SH3RF2: variants seen among roughly 807,000 people sequenced by gnomAD.
SH3RF2 encodes the protein SH3 domain containing ring finger 2.
SH3RF2 carries 43 observed loss-of-function variants against 59.0 expected under a neutral mutation model. That is an observed-to-expected ratio of 0.73 (90% CI 0.57 to 0.94). The LOEUF (loss-of-function observed/expected upper bound fraction) is 0.94, where lower values mean the gene tolerates loss of function less well. Among genes scored for constraint, SH3RF2 ranks in the 40% least tolerant of loss-of-function variants. The pLI, the probability that SH3RF2 is intolerant of heterozygous loss-of-function variation, is 0.00. For synonymous variants in SH3RF2, 391 were observed against 391.5 expected, an observed-to-expected ratio of 1.00 and a Z score of 0.01; for missense variants, 930 against 940.1, an observed-to-expected ratio of 0.99 and a Z score of 0.14.
intron 7 of SH3RF2, among the ~76,000 whole-genome samples, chr5:146,054,145 A>G (rs1762589600): frequency 6.6e-6 from 1 of 152,188 alleles, no homozygotes. Flanking sequence ...GTGTTTTGAC[A>G]TTGGAAGAAA....
chr5:146,042,592 C>T (rs1459741526), intron 5 of SH3RF2, among the ~76,000 whole-genome samples: 1 of 152,194 alleles, frequency 6.6e-6, no homozygotes, highest in Non-Finnish European at 1.5e-5. Flanking sequence ...CCTCTCTGGA[C>T]TCCTAAGAGG....
intron 2 of SH3RF2, among the ~76,000 whole-genome samples, chr5:145,959,629 GTGTGTGTGTGTGTGTGTGTA>G: frequency 6.7e-6 from 1 of 150,328 alleles, no homozygotes; most frequent in East Asian, 1.9e-4. Flanking sequence ...GTGTGTGTGT[GTGTGTGTGTGTGTGTGTGTA>G]TGTGTGTGTG....
chr5:146,046,325 C>T (rs571586320), intron 5 of SH3RF2, among the ~76,000 whole-genome samples: 1 of 152,260 alleles, frequency 6.6e-6, no homozygotes, highest in South Asian at 2.1e-4. Flanking sequence ...AGCAAACATA[C>T]ATGTTTGCTC....
chr5:146,012,299 A>T (rs775009355), intron 4 of SH3RF2, among the ~76,000 whole-genome samples: 16 of 152,166 alleles, frequency 1.1e-4, no homozygotes, highest in Non-Finnish European at 2.2e-4. Flanking sequence ...ATCGATGTTC[A>T]TCAGGGATAT....
At chr5:146,028,209 C>CACACACAGAGAG (rs1491332228) in intron 5 of SH3RF2, among the ~76,000 whole-genome samples, 2 of 128,938 alleles carry the variant, frequency 1.6e-5, no homozygotes, top group African/African-American at 5.6e-5. Flanking sequence ...CACACACACA[C>CACACACAGAGAG]AGAGATAATT....
intron 2 of SH3RF2, among the ~76,000 whole-genome samples, chr5:145,992,273 G>A (rs943484895): frequency 1.3e-5 from 2 of 152,112 alleles, no homozygotes; most frequent in African/African-American, 2.4e-5. Flanking sequence ...TACTTGGGGG[G>A]CTGAGGCAGG....
chr5:146,044,139 GTTTTTTTTTGTTTT>G (rs138262488), intron 5 of SH3RF2, among the ~76,000 whole-genome samples: 51,299 of 147,108 alleles, frequency 0.35, 9,102 homozygotes, highest in Non-Finnish European at 0.39. Context: ...GTCCGTTTTT[GTTTTTTTTTGTTTT>G]TTTTTTTTTG....
At chr5:145,980,608 C>T (rs987631397) in intron 2 of SH3RF2, among the ~76,000 whole-genome samples, 1 of 152,162 alleles carries the variant, frequency 6.6e-6, no homozygotes, top group Non-Finnish European at 1.5e-5. Context: ...ATTCCTAAAA[C>T]TAGGATTTTT....
intron 4 of SH3RF2, among the ~76,000 whole-genome samples, chr5:146,005,405 T>C (rs1176915061): frequency 1.3e-5 from 2 of 152,112 alleles, no homozygotes; most frequent in East Asian, 3.9e-4. Context: ...CCCTGGGGAT[T>C]GGAGGGTTTG....
At chr5:146,015,537 C>T (rs374375766) in intron 5 of SH3RF2, among the ~76,000 whole-genome samples, 61 of 152,124 alleles carry the variant, frequency 4.0e-4, no homozygotes, top group East Asian at 7.7e-4. Context: ...TTTTTTGAAA[C>T]GATTCTTTAT....
At chr5:145,949,289 G>A (rs1377705185) in intron 2 of SH3RF2, among the ~76,000 whole-genome samples, 1 of 152,176 alleles carries the variant, frequency 6.6e-6, no homozygotes, top group Non-Finnish European at 1.5e-5. Context: ...GGTCACCCTG[G>A]TTTTTGCAGA....
rs1762838410 is a variant in SH3RF2 at position 146,060,187 on chromosome 5, T to A, written c.1877T>A (p.Leu626Gln). 6.2e-7 allele frequency: 1 copy of A among 1,611,514 alleles called. No individual in the cohort carries two copies. Among genetic ancestry groups the A allele is most frequent in the Non-Finnish European group, 8.5e-7 (1 of 1,178,978 alleles). Residue 626 changes from leucine to glutamine, a missense_variant, in exon 9 of 10, where the codon CTG becomes CAG. Physicochemically the swap from Leu to Gln is moderately radical, Grantham distance 113. Transcript: ENST00000359120. ...KPPASAPPSI[L>Q]VKPENSRNGI... is the part of the protein sequence containing the mutation. The stretch of plus-strand genomic sequence containing the variant: ...CCCGCATCTGCCCCACCATCCATCC[T>A]GGTGAAACCAGAAAACTCAAGAAAT...
intron 9 of SH3RF2, 120 bp downstream of exon 9, chr5:146,060,344 C>T: frequency 2.2e-6 from 2 of 918,228 alleles, no homozygotes; most frequent in Non-Finnish European, 3.2e-6. Context: ...CGAAAGAATC[C>T]TCACACATAA....
intron 5 of SH3RF2, among the ~76,000 whole-genome samples, chr5:146,022,647 G>C (rs1761367429): frequency 6.6e-6 from 1 of 152,102 alleles, no homozygotes; most frequent in Non-Finnish European, 1.5e-5. Flanking sequence ...GCTGAGGCAG[G>C]CAGATACTTG....
At chr5:145,941,951 T>C (rs1267028475) in intron 2 of SH3RF2, among the ~76,000 whole-genome samples, 1 of 152,200 alleles carries the variant, frequency 6.6e-6, no homozygotes, top group Non-Finnish European at 1.5e-5. Flanking sequence ...ACACACACCC[T>C]TTCAGCCCCT....
At chr5:146,012,292 G>A (rs960338055) in intron 4 of SH3RF2, among the ~76,000 whole-genome samples, 14 of 152,084 alleles carry the variant, frequency 9.2e-5, no homozygotes, top group South Asian at 4.1e-4. Context: ...TTTTTGCATC[G>A]ATGTTCATCA....
At chr5:146,018,308 A>T (rs1375757326) in intron 5 of SH3RF2, among the ~76,000 whole-genome samples, 1 of 152,050 alleles carries the variant, frequency 6.6e-6, no homozygotes, top group East Asian at 1.9e-4. Context: ...ATGCCTTTTC[A>T]TACCCATAGT....
chr5:146,079,653 GT>G (rs1580965634), exon 10 of SH3RF2: 2 of 152,314 alleles, frequency 1.3e-5, no homozygotes, highest in East Asian at 3.9e-4. Flanking sequence ...TTACAGAAAT[GT>G]TTTCTTCTAT....
chr5:146,044,657 C>T (rs950204957), intron 5 of SH3RF2, among the ~76,000 whole-genome samples: 36 of 151,852 alleles, frequency 2.4e-4, no homozygotes, highest in Non-Finnish European at 4.3e-4. Flanking sequence ...CTCCTTCCTT[C>T]CTCCCTCTGT....
Sources: gnomAD v4.1 joint callset for allele counts (sites outside exome capture counted in the v4.1 genomes callset) on GRCh38, gnomAD v4.1.1 for gene constraint, MANE v1.5 for transcripts, NCBI Gene and HGNC (gene_info 2026-07-23, HGNC 2026-07-21) for gene names.